ADARB2: variants seen among roughly 807,000 people sequenced by gnomAD.
The protein encoded by ADARB2 is inactive double-stranded RNA-specific editase B2.
ADARB2 carries 25 observed loss-of-function variants against 62.2 expected under a neutral mutation model. That is an observed-to-expected ratio of 0.40 (90% CI 0.29 to 0.56). The LOEUF is 0.56. Ranked by LOEUF, ADARB2 falls within the 20% of genes least tolerant of loss-of-function variation. The pLI is 0.43. For missense variants in ADARB2, 1,071 were observed against 1,077.4 expected (o/e 0.99, Z 0.08); for synonymous variants, 572 against 500.8 (o/e 1.14, Z -1.90).
At chr10:1,414,093 G>C (rs929347956) in intron 1 of ADARB2, among the ~76,000 whole-genome samples, 2 of 152,166 alleles carry the variant, frequency 1.3e-5, no homozygotes, top group Non-Finnish European at 2.9e-5. Context: ...CTCGGCTCAG[G>C]GGGCTGCCCT....
At chr10:1,232,828 T>C (rs1179277347) in intron 6 of ADARB2, among the ~76,000 whole-genome samples, 1 of 151,572 alleles carries the variant, frequency 6.6e-6, no homozygotes, top group East Asian at 1.9e-4. Flanking sequence ...ATGTGCTATA[T>C]GTGGTATGTG....
chr10:1,371,388 G>T (rs187384653), intron 2 of ADARB2, among the ~76,000 whole-genome samples: 1 of 152,274 alleles, frequency 6.6e-6, no homozygotes, highest in East Asian at 1.9e-4. Context: ...CTAGGCAAAA[G>T]ATTTATGATG....
intron 1 of ADARB2, among the ~76,000 whole-genome samples, chr10:1,495,453 A>G (rs1480210333): frequency 6.6e-6 from 1 of 152,248 alleles, no homozygotes; most frequent in East Asian, 1.9e-4. Context: ...CCAAATGAAA[A>G]TAAATCCAAT....
chr10:1,278,429 C>T (rs565209474), intron 3 of ADARB2, among the ~76,000 whole-genome samples: 2 of 151,272 alleles, frequency 1.3e-5, no homozygotes, highest in Non-Finnish European at 2.9e-5. Context: ...CCCCCTCCCT[C>T]CCCACCAGTA....
chr10:1,253,961 G>A (rs1321215375), intron 4 of ADARB2, among the ~76,000 whole-genome samples: 2 of 151,912 alleles, frequency 1.3e-5, no homozygotes, highest in Admixed American at 6.6e-5. Context: ...GATACGGTGG[G>A]TTCTGTGTTT....
chr10:1,714,284 T>C (rs1834988936), intron 1 of ADARB2, among the ~76,000 whole-genome samples: 1 of 152,210 alleles, frequency 6.6e-6, no homozygotes, highest in African/African-American at 2.4e-5. Context: ...GACGTGTGAG[T>C]GTCGCTATCT....
Position 1,549,188 on chromosome 10 carries a change from G to A in ADARB2, c.101-170028C>T, listed in dbSNP as rs561670972. Among the ~76,000 whole-genome samples the A allele has an allele frequency of 2.7e-5, 4 of 148,220 alleles. No homozygotes were observed. The South Asian group carries it at 6.8e-4, about 25-fold the overall frequency. On this transcript the variant is annotated intron_variant, in intron 1 of 9. Coordinates refer to ENST00000381312, the MANE Select transcript of ADARB2 (RefSeq NM_018702.4). The stretch of plus-strand genomic sequence containing the variant: ...GTCCCCTCCTCTCTCACTGAAAGGT[G>A]GAGTGGGGTGGGGCGTGGAGCTGGG...
intron 1 of ADARB2, among the ~76,000 whole-genome samples, chr10:1,389,319 T>A (rs1832549543): frequency 6.6e-6 from 1 of 152,202 alleles, no homozygotes; most frequent in African/African-American, 2.4e-5. Context: ...AAAATTCAGC[T>A]TGTTGAAATA....
chr10:1,542,809 C>T (rs1588294961), intron 1 of ADARB2, among the ~76,000 whole-genome samples: 1 of 125,462 alleles, frequency 8.0e-6, no homozygotes, highest in African/African-American at 2.8e-5. Flanking sequence ...CCGCCCAGAC[C>T]CCACTCAGAC....
chr10:1,233,102 C>T (rs917988992), intron 6 of ADARB2, among the ~76,000 whole-genome samples: 1 of 152,104 alleles, frequency 6.6e-6, no homozygotes, highest in Non-Finnish European at 1.5e-5. Flanking sequence ...CCCTGCCCCA[C>T]GCCCTGCCCT....
intron 1 of ADARB2, among the ~76,000 whole-genome samples, chr10:1,639,426 G>A (rs1420964395): frequency 1.3e-5 from 2 of 152,224 alleles, no homozygotes; most frequent in Admixed American, 6.5e-5. Context: ...AACTGGGTGA[G>A]CTTTATCTGG....
At chr10:1,673,681 A>G (rs1834423159) in intron 1 of ADARB2, among the ~76,000 whole-genome samples, 1 of 152,208 alleles carries the variant, frequency 6.6e-6, no homozygotes, top group Non-Finnish European at 1.5e-5. Flanking sequence ...GACGAAGGAA[A>G]GGGCGAATCC....
intron 1 of ADARB2, among the ~76,000 whole-genome samples, chr10:1,698,718 T>C (rs1261174252): frequency 1.3e-5 from 2 of 150,562 alleles, no homozygotes; most frequent in South Asian, 2.1e-4. Flanking sequence ...ATAAAAACAG[T>C]GAAGGTAGAA....
chr10:1,668,971 G>C lies in ADARB2; in HGVS notation c.100+68080C>G, dbSNP rs1020044620. Among the ~76,000 whole-genome samples, 13 of 152,198 alleles carry C rather than the reference G, an allele frequency of 8.5e-5. 1 individual carries two copies. Among genetic ancestry groups the C allele is most frequent in the Non-Finnish European group, 1.9e-4 (13 of 68,030 alleles). ...GTAGGAAGGACCAGTGCAGTAGCTA[G>C]TTTATTTTCACCTTGGGCTGGTTGG... On this transcript the variant is annotated intron_variant, in intron 1 of 9. Coordinates refer to ENST00000381312, the MANE Select transcript of ADARB2 (RefSeq NM_018702.4).
intron 1 of ADARB2, among the ~76,000 whole-genome samples, chr10:1,717,156 C>CTA (rs1835029035): frequency 4.7e-5 from 3 of 63,272 alleles, no homozygotes; most frequent in Non-Finnish European, 8.6e-5. Context: ...TTGTAGTGTG[C>CTA]TTTTTTTTTT....
intron 1 of ADARB2, among the ~76,000 whole-genome samples, chr10:1,656,601 C>T (rs530848615): frequency 8.5e-5 from 13 of 152,162 alleles, no homozygotes; most frequent in South Asian, 4.2e-4. Context: ...TTGTGAATGA[C>T]GCACACTTGT....
At chr10:1,718,629 C>A (rs961579795) in intron 1 of ADARB2, among the ~76,000 whole-genome samples, 4 of 152,032 alleles carry the variant, frequency 2.6e-5, no homozygotes, top group Admixed American at 1.3e-4. Context: ...GAGATTGCAG[C>A]TGGCAACACG....
chr10:1,705,357 G>A (rs1315945182), intron 1 of ADARB2, among the ~76,000 whole-genome samples: 4 of 152,166 alleles, frequency 2.6e-5, no homozygotes, highest in Non-Finnish European at 4.4e-5. Flanking sequence ...TGATGGACAA[G>A]GCAGCTGACG....
intron 1 of ADARB2, among the ~76,000 whole-genome samples, chr10:1,454,151 G>A (rs1014090847): frequency 2.0e-5 from 3 of 152,186 alleles, no homozygotes; most frequent in Non-Finnish European, 4.4e-5. Context: ...GCAGGTAGGA[G>A]AGCGTGTGCA....
Sources: allele counts gnomAD v4.1 joint callset (sites outside exome capture counted in the v4.1 genomes callset), GRCh38; gene constraint gnomAD v4.1.1; transcripts MANE v1.5; gene names NCBI Gene and HGNC (gene_info 2026-07-23, HGNC 2026-07-21).